The following CA6 variants were observed in gnomAD, a reference collection of about 807,000 sequenced individuals.
CA6 encodes carbonic anhydrase 6.
A neutral mutation model predicts 35.9 loss-of-function variants in CA6; 28 were observed. The ratio of observed to expected loss-of-function variants is 0.78; its 90% CI spans 0.58 to 1.07. The LOEUF is 1.07. Ranked by LOEUF, CA6 falls within the 50% of genes least tolerant of loss-of-function variation. The probability of loss-of-function intolerance (pLI) is 0.00; values close to 1 mark genes in which losing one functional copy is unlikely to be tolerated. For missense variants in CA6, 377 were observed against 382.0 expected, an observed-to-expected ratio of 0.99 and a Z score of 0.11; for synonymous variants, 148 against 152.6, an observed-to-expected ratio of 0.97 and a Z score of 0.22.
intron 2 of CA6, chr1:8,951,723 T>C (rs1208439784): frequency 1.3e-6 from 1 of 757,404 alleles, no homozygotes; most frequent in African/African-American, 1.7e-5. Context: ...CAAATTTCTG[T>C]GGTCCGGAAG....
intron 1 of CA6, 101 bp downstream of exon 1, chr1:8,946,066 C>T: frequency 5.2e-6 from 4 of 767,654 alleles, no homozygotes; most frequent in Non-Finnish European, 6.4e-6. Flanking sequence ...TAGACAAAGT[C>T]TTGCTCTGTT....
chr1:8,954,935 T>C (rs1249441261), intron 2 of CA6, among the ~76,000 whole-genome samples: 2 of 152,188 alleles, frequency 1.3e-5, no homozygotes, highest in Non-Finnish European at 2.9e-5. Flanking sequence ...AAATTCAAAT[T>C]GAAACACAGG....
At chr1:8,972,365 T>C (rs1007989050) in intron 7 of CA6, among the ~76,000 whole-genome samples, 2 of 152,132 alleles carry the variant, frequency 1.3e-5, no homozygotes, top group African/African-American at 4.8e-5. Flanking sequence ...CCCATCTTTA[T>C]ATGTACCTTT....
intron 5 of CA6, among the ~76,000 whole-genome samples, chr1:8,966,235 G>T (rs1569714574): frequency 6.6e-6 from 1 of 151,882 alleles, no homozygotes; most frequent in Non-Finnish European, 1.5e-5. Flanking sequence ...TCAGCCTCCC[G>T]AGTAGCTGGG....
rs958492340 is a variant in CA6, at chr1:8,963,325, T to C, written c.571+669T>C. 3.3e-5 allele frequency among the ~76,000 whole-genome samples: 5 copies of C among 151,904 alleles called. No individual in the cohort carries two copies. The highest frequency in any genetic ancestry group is 1.2e-4 in the African/African-American group (5 of 41,364). ...CTAGTGACGCCTGTGTCCTTTCATCTCTCTCCCAGCTTAGATTCCACCCCG... is the reference window on the plus strand; with the variant it reads ...CTAGTGACGCCTGTGTCCTTTCATCCCTCTCCCAGCTTAGATTCCACCCCG... On this transcript the variant is annotated intron_variant, in intron 5 of 7. Coordinates refer to ENST00000377443, the MANE Select transcript of CA6 (RefSeq NM_001215.4). This position sits in a 1 kb window ranked among gnomAD's most constrained non-coding sequence, Gnocchi z 4.1.
intron 2 of CA6, among the ~76,000 whole-genome samples, chr1:8,953,635 ATCAG>A (rs564553722): frequency 2.6e-5 from 3 of 114,906 alleles, no homozygotes; most frequent in East Asian, 2.1e-4. Context: ...CAATCAATCA[ATCAG>A]TCAATCAATC....
chr1:8,949,555 A>G (rs1031759668), intron 2 of CA6, 113 bp downstream of exon 2: 4 of 904,944 alleles, frequency 4.4e-6, no homozygotes, highest in Non-Finnish European at 6.8e-6. Flanking sequence ...GCACGGCCTC[A>G]GAGCTGGAGG....
chr1:8,970,928 G>A lies in CA6; in HGVS notation c.791G>A (p.Arg264His), dbSNP rs1319727216. The A allele has an allele frequency of 4.3e-6, 7 of 1,614,000 alleles. No individual in the cohort carries two copies. The highest frequency in any genetic ancestry group is 3.3e-5 in the South Asian group (3 of 91,084). ...AACAAGACCATCCACAACGATTACC[G>A]CAGGACCCAGCCCCTGAACCACAGA... ...HRNKTIHNDY[R>H]RTQPLNHRVV... Residue 264 changes from arginine to histidine, a missense_variant, in exon 7 of 8, where the codon CGC (arginine) becomes CAC (histidine). By Grantham distance (29) the Arg-to-His change is conservative (BLOSUM62 0). Transcript: ENST00000377443.
chr1:8,949,264 A>T lies in CA6; in HGVS notation c.81A>T (p.Glu27Asp). 6.3e-7 allele frequency: 1 copy of T among 1,593,852 alleles called. No individual in the cohort carries two copies. Among genetic ancestry groups the T allele is most frequent in the East Asian group, 2.3e-5 (1 of 43,796 alleles). The change falls in exon 2 of 8, where the codon GAA becomes GAT. Residue 27 changes from glutamate (E) to aspartate (D), a missense_variant and splice_region_variant. Physicochemically the swap from Glu to Asp is conservative, Grantham distance 45 (BLOSUM62 2). Transcript: ENST00000377443. ...AQHVSDWTYS[E>D]GALDEAHWPQ... is the part of the protein sequence containing the mutation. ...TGAACTGTGTCTTTCCTGTCTTAGA[A>T]GGGGCACTGGACGAAGCGCACTGGC...
rs555981176 is a variant in CA6 at position 8,963,461 on chromosome 1, T to A, written c.571+805T>A. Reference sequence around the variant, plus strand: ...CTCCAGACCAACTCTGGAGTTTTTTTAGTTATTTTCTTAGTGGTTGGCTGG... The same window carrying A: ...CTCCAGACCAACTCTGGAGTTTTTTAAGTTATTTTCTTAGTGGTTGGCTGG... On this transcript the variant is annotated intron_variant, in intron 5 of 7. Coordinates refer to ENST00000377443, the MANE Select transcript of CA6 (RefSeq NM_001215.4). This position sits in a 1 kb window ranked among gnomAD's most constrained non-coding sequence, Gnocchi z 4.1. Among the ~76,000 whole-genome samples, 24 of 152,322 alleles carry A rather than the reference T, an allele frequency of 1.6e-4. No homozygotes were observed. Among genetic ancestry groups the A allele is most frequent in the African/African-American group, 4.3e-4 (18 of 41,578 alleles).
chr1:8,974,923 G>C lies in CA6; in HGVS notation c.*219G>C. 2.3e-6 allele frequency: 1 copy of C among 428,948 alleles called. No individual in the cohort carries two copies. The allele number at this position is 428,948 out of a possible 1,614,324, so 26.6% of individuals were successfully genotyped here. On this transcript the variant is annotated 3_prime_UTR_variant, in exon 8 of 8. Coordinates refer to ENST00000377443, the MANE Select transcript of CA6 (RefSeq NM_001215.4). ...CTTCAGTTCATGAGACGGGATCTGAGTTAGACATCACCAGTGGAAATTGAT... is the reference window on the plus strand; with the variant it reads ...CTTCAGTTCATGAGACGGGATCTGACTTAGACATCACCAGTGGAAATTGAT...
At chr1:8,973,781 TTTC>T (rs776054144) in intron 7 of CA6, among the ~76,000 whole-genome samples, 19,056 of 46,920 alleles carry the variant, frequency 0.41, 2,455 homozygotes, top group East Asian at 0.47. Context: ...TCTTTCTTTC[TTTC>T]TTTTCCCTCC....
intron 7 of CA6, among the ~76,000 whole-genome samples, chr1:8,973,812 TCTCTCTCTTTCTTC>T (rs1384512521): frequency 1.4e-5 from 2 of 147,840 alleles, no homozygotes; most frequent in Non-Finnish European, 1.5e-5. Context: ...TCTCTCTCTC[TCTCTCTCTTTCTTC>T]CTCTCTTTCT....
intron 7 of CA6, among the ~76,000 whole-genome samples, chr1:8,971,285 T>C (rs1640103965): frequency 6.6e-6 from 1 of 150,646 alleles, no homozygotes; most frequent in South Asian, 2.1e-4. Flanking sequence ...CCGGAAGCTC[T>C]CACAAGAGTG....
At chr1:8,966,829 A>G (rs1557630879) in intron 5 of CA6, among the ~76,000 whole-genome samples, 1 of 151,992 alleles carries the variant, frequency 6.6e-6, no homozygotes, top group Non-Finnish European at 1.5e-5. Flanking sequence ...TGGCTGCTGC[A>G]GGAGTTTTGC....
Position 8,947,850 on chromosome 1 carries a change from C to CTTTTTTTTTT in CA6, c.80-1407_80-1398dup, listed in dbSNP as rs527410056. 1.1e-3 allele frequency among the ~76,000 whole-genome samples: 154 copies of CTTTTTTTTTT among 140,560 alleles called. 3 individuals carry two copies. Among genetic ancestry groups the CTTTTTTTTTT allele is most frequent in the African/African-American group, 4.1e-3 (153 of 37,072 alleles). 92.2% of individuals were successfully genotyped at this position (140,560 alleles called of 152,430 possible). On this transcript the variant is annotated intron_variant, in intron 1 of 7. Transcript: ENST00000377443. ...GCGGTGAGGGCCCTAGTACAGACACCTTTTTTTTTTTTTTTGAGAGTTTCA... is the reference window on the plus strand; with the variant it reads ...GCGGTGAGGGCCCTAGTACAGACACCTTTTTTTTTTTTTTTTTTTTTTTTTGAGAGTTTCA...
Position 8,957,301 on chromosome 1 carries a change from C to A in CA6, c.408+16C>A, listed in dbSNP as rs1639714594. 6.3e-7 allele frequency: 1 copy of A among 1,596,910 alleles called. No homozygotes were observed. Among genetic ancestry groups the A allele is most frequent in the South Asian group, 1.1e-5 (1 of 89,884 alleles). ...TGTGATCGAGGTACCTGAGGACCCC[C>A]ACTGTGTCCTCTTTCCTTTGAACCC... On this transcript the variant is annotated intron_variant, in intron 3 of 7. Transcript: ENST00000377443.
intron 2 of CA6, among the ~76,000 whole-genome samples, chr1:8,954,962 A>G (rs1386222269): frequency 6.6e-6 from 1 of 152,222 alleles, no homozygotes; most frequent in African/African-American, 2.4e-5. Context: ...AAACAAAGAC[A>G]AGTTGCTACA....
In CA6 at chr1:8,960,743, A is replaced by AACACAC. The variant is rs113532929; in HGVS notation, c.501+1783_501+1788dup. On this transcript the variant is annotated intron_variant, in intron 4 of 7. Coordinates refer to ENST00000377443, the MANE Select transcript of CA6 (RefSeq NM_001215.4). Reference sequence around the variant, plus strand: ...TCATGGGGACAAAATCAAGTATAGCAACACACACACACACACACACACACA... The same window carrying AACACAC: ...TCATGGGGACAAAATCAAGTATAGCAACACACACACACACACACACACACACACACA... 4.5e-3 allele frequency among the ~76,000 whole-genome samples: 493 copies of AACACAC among 108,956 alleles called. 7 individuals carry two copies. Among genetic ancestry groups the AACACAC allele is most frequent in the African/African-American group, 0.016 (415 of 25,846 alleles). 71.5% of individuals were successfully genotyped at this position (108,956 alleles called of 152,430 possible).
Sources: allele counts gnomAD v4.1 joint callset (sites outside exome capture counted in the v4.1 genomes callset), GRCh38; gene constraint gnomAD v4.1.1; non-coding constraint Gnocchi (gnomAD v3.1); transcripts MANE v1.5; gene names NCBI Gene and HGNC (gene_info 2026-07-23, HGNC 2026-07-21).